Variants in MAP2 observed in about 807,000 individuals in gnomAD.
MAP2 encodes the protein microtubule associated protein 2.
MAP2 carries 14 observed loss-of-function variants against 137.6 expected under a neutral mutation model. The ratio of observed to expected loss-of-function variants is 0.10; its 90% confidence interval spans 0.07 to 0.16. The LOEUF (loss-of-function observed/expected upper bound fraction) is 0.16. Among genes scored for constraint, MAP2 ranks in the 10% least tolerant of loss-of-function variants. The probability of loss-of-function intolerance (pLI) is 1.00; values close to 1 mark genes in which losing one functional copy is unlikely to be tolerated. For synonymous variants in MAP2, 786 were observed against 782.3 expected (o/e 1.00, Z -0.08); for missense variants, 2,088 against 2,191.5 (o/e 0.95, Z 0.94).
intron 5 of MAP2, among the ~76,000 whole-genome samples, chr2:209,676,643 A>C (rs1005934419): frequency 6.7e-6 from 1 of 149,034 alleles, no homozygotes; most frequent in African/African-American, 2.5e-5. Context: ...GAGATGTACT[A>C]AATGCCATAG....
intron 2 of MAP2, among the ~76,000 whole-genome samples, chr2:209,578,988 G>A (rs1188184678): frequency 6.6e-6 from 1 of 150,524 alleles, no homozygotes; most frequent in Non-Finnish European, 1.5e-5. Flanking sequence ...AATTATAACT[G>A]TTAAAAGGGT....
At chr2:209,451,730 G>A (rs73069087) in intron 1 of MAP2, among the ~76,000 whole-genome samples, 14,387 of 152,190 alleles carry the variant, frequency 0.095, 1,460 homozygotes, top group African/African-American at 0.26. Context: ...GCTGCTGGGT[G>A]TATGTAGGCA....
chr2:209,602,900 A>G (rs1333254568), intron 3 of MAP2, among the ~76,000 whole-genome samples: 8 of 152,176 alleles, frequency 5.3e-5, no homozygotes. Flanking sequence ...GCTAGGCTTC[A>G]AAGAGATACT....
intron 5 of MAP2, among the ~76,000 whole-genome samples, chr2:209,666,873 T>C (rs913173384): frequency 6.6e-6 from 1 of 152,032 alleles, no homozygotes; most frequent in Non-Finnish European, 1.5e-5. Context: ...TTTTATAATA[T>C]CGAGCATTTT....
chr2:209,630,484 A>G (rs1415815506), intron 4 of MAP2, among the ~76,000 whole-genome samples: 2 of 152,148 alleles, frequency 1.3e-5, no homozygotes, highest in Admixed American at 1.3e-4. Flanking sequence ...GCTGTGATCA[A>G]TGGAATAGAC....
intron 4 of MAP2, among the ~76,000 whole-genome samples, chr2:209,640,799 C>T (rs1298292044): frequency 2.6e-5 from 4 of 151,972 alleles, no homozygotes; most frequent in African/African-American, 4.8e-5. Flanking sequence ...GCCAAAAAGC[C>T]GATCCCACTC....
intron 5 of MAP2, among the ~76,000 whole-genome samples, chr2:209,667,835 G>A (rs2047018798): frequency 6.6e-6 from 1 of 151,860 alleles, no homozygotes; most frequent in South Asian, 2.1e-4. Context: ...GCCCTATGCA[G>A]AATTAGAAAG....
At chr2:209,439,067 C>G (rs1258850015) in intron 1 of MAP2, among the ~76,000 whole-genome samples, 1 of 151,366 alleles carries the variant, frequency 6.6e-6, no homozygotes, top group African/African-American at 2.4e-5. Flanking sequence ...TGAAGTTATA[C>G]ATGAACAGTG....
chr2:209,520,209 G>A (rs2063079853), intron 2 of MAP2, among the ~76,000 whole-genome samples: 2 of 152,020 alleles, frequency 1.3e-5, no homozygotes, highest in Non-Finnish European at 2.9e-5. Context: ...CCCAGAGTGA[G>A]CATCTGCTGA....
intron 4 of MAP2, among the ~76,000 whole-genome samples, chr2:209,644,697 T>C (rs1290567666): frequency 7.2e-6 from 1 of 138,192 alleles, no homozygotes; most frequent in Admixed American, 7.2e-5. Flanking sequence ...AAAAAGACAA[T>C]GAAAATGAAA....
chr2:209,592,861 C>G (rs1368476482), intron 3 of MAP2, among the ~76,000 whole-genome samples: 1 of 152,108 alleles, frequency 6.6e-6, no homozygotes, highest in East Asian at 1.9e-4. Flanking sequence ...ATTCTCGCCT[C>G]TGTTCTGTGC....
At chr2:209,599,868 A>C (rs1412904536) in intron 3 of MAP2, among the ~76,000 whole-genome samples, 1 of 152,198 alleles carries the variant, frequency 6.6e-6, no homozygotes, top group Non-Finnish European at 1.5e-5. Context: ...TAAAACAGGA[A>C]TGATAATAAA....
rs1012451300 is a variant in MAP2 at position 209,733,365 on chromosome 2, T to G, written c.*2968T>G. 6.6e-6 allele frequency: 1 copy of G among 152,400 alleles called. No individual in the cohort carries two copies. The highest frequency in any genetic ancestry group is 1.5e-5 in the Non-Finnish European group (1 of 68,044). 9.4% of individuals were successfully genotyped at this position (152,400 alleles called of 1,614,324 possible). A position where few individuals can be genotyped will look rare whatever the true frequency, so the allele number is the denominator to read the frequency against. ...GATGGGCTGACATCCCACCTACAAG[T>G]ATGACACCTGTGTAACACCAGCTAG... On this transcript the variant is annotated 3_prime_UTR_variant, in exon 16 of 16. Transcript: ENST00000682079.
At chr2:209,433,674 A>G (rs1694928566) in intron 1 of MAP2, among the ~76,000 whole-genome samples, 1 of 152,134 alleles carries the variant, frequency 6.6e-6, no homozygotes, top group Non-Finnish European at 1.5e-5. Flanking sequence ...CAAGAGAGAA[A>G]TAATTTAGAA....
chr2:209,525,477 G>A (rs968344526), intron 2 of MAP2, among the ~76,000 whole-genome samples: 1 of 152,044 alleles, frequency 6.6e-6, no homozygotes, highest in African/African-American at 2.4e-5. Context: ...TGTTATTCAC[G>A]GAAGGCTAAT....
intron 2 of MAP2, among the ~76,000 whole-genome samples, chr2:209,561,310 G>A (rs1054344296): frequency 2.6e-5 from 4 of 152,184 alleles, no homozygotes; most frequent in African/African-American, 9.6e-5. Flanking sequence ...ATTGGGTTTG[G>A]TAGGGCTTTA....
rs189381369 is a variant in MAP2 at position 209,587,154 on chromosome 2, C to T, written c.-107+7054C>T. On this transcript the variant is annotated intron_variant, in intron 3 of 15. Coordinates refer to ENST00000682079, the MANE Select transcript of MAP2 (RefSeq NM_001375505.1). ...AGTTCTATTTCCTGCCTCATGATTT[C>T]TTTGGACTTTAATGTCCTCTCTGCC... Among the ~76,000 whole-genome samples the T allele has an allele frequency of 2.0e-4, 30 of 152,178 alleles. 1 individual carries two copies. The East Asian group carries it at 5.4e-3, about 27-fold the overall frequency.
intron 2 of MAP2, among the ~76,000 whole-genome samples, chr2:209,508,645 G>A (rs2061373944): frequency 6.6e-6 from 1 of 150,452 alleles, no homozygotes; most frequent in Non-Finnish European, 1.5e-5. Context: ...TCTCTTTTCA[G>A]GTTCAAACTG....
chr2:209,517,250 G>A (rs1290779992), intron 2 of MAP2, among the ~76,000 whole-genome samples: 1 of 151,884 alleles, frequency 6.6e-6, no homozygotes, highest in Non-Finnish European at 1.5e-5. Flanking sequence ...TTTCTTTTTG[G>A]TGATCACTGA....
Sources: allele counts gnomAD v4.1 joint callset (sites outside exome capture counted in the v4.1 genomes callset), GRCh38; gene constraint gnomAD v4.1.1; transcripts MANE v1.5; gene names NCBI Gene and HGNC (gene_info 2026-07-23, HGNC 2026-07-21).